The following KCNJ6 variants were observed in gnomAD, a reference collection of about 807,000 sequenced individuals.
The protein encoded by KCNJ6 is G protein-activated inward rectifier potassium channel 2.
Under a neutral mutation model 34.2 loss-of-function variants are expected in KCNJ6, and 9 were observed. The ratio of observed to expected loss-of-function variants is 0.26; its 90% CI spans 0.16 to 0.46. The LOEUF (loss-of-function observed/expected upper bound fraction) is 0.46. Ranked by LOEUF, KCNJ6 falls within the 20% of genes least tolerant of loss-of-function variation. The probability of loss-of-function intolerance (pLI) is 1.00; values close to 1 mark genes in which losing one functional copy is unlikely to be tolerated. For synonymous variants in KCNJ6, 196 were observed against 207.1 expected, an observed-to-expected ratio of 0.95 and a Z score of 0.46; for missense variants, 236 against 531.3, an observed-to-expected ratio of 0.44 and a Z score of 5.46.
chr21:37,839,533 G>C (rs942099944), intron 2 of KCNJ6, among the ~76,000 whole-genome samples: 1 of 152,182 alleles, frequency 6.6e-6, no homozygotes, highest in Non-Finnish European at 1.5e-5. Flanking sequence ...GATTAGAGGA[G>C]GAGGAAGGTG....
intron 2 of KCNJ6, among the ~76,000 whole-genome samples, chr21:37,725,697 A>G (rs1164042475): frequency 6.6e-6 from 1 of 152,246 alleles, no homozygotes; most frequent in African/African-American, 2.4e-5. Flanking sequence ...ATATTCATAA[A>G]TTGTATGCAG....
chr21:37,720,788 AG>A (rs1302637412), intron 2 of KCNJ6, among the ~76,000 whole-genome samples: 1 of 151,172 alleles, frequency 6.6e-6, no homozygotes, highest in Non-Finnish European at 1.5e-5. Flanking sequence ...GCTCACTGCA[AG>A]CTCCGCTTCC....
At chr21:37,726,579 A>G (rs1422580285) in intron 2 of KCNJ6, among the ~76,000 whole-genome samples, 1 of 152,146 alleles carries the variant, frequency 6.6e-6, no homozygotes, top group African/African-American at 2.4e-5. Flanking sequence ...ATCTTACAGT[A>G]ATGTGTGCAT....
intron 1 of KCNJ6, among the ~76,000 whole-genome samples, chr21:37,899,463 CTT>C (rs760592356): frequency 1.4e-4 from 21 of 152,204 alleles, no homozygotes; most frequent in African/African-American, 2.9e-4. Flanking sequence ...CTCCAGCTCT[CTT>C]GTCTCACCCT....
chr21:37,691,937 A>T (rs558806057), intron 3 of KCNJ6, among the ~76,000 whole-genome samples: 52 of 152,110 alleles, frequency 3.4e-4, no homozygotes, highest in African/African-American at 1.2e-3. Context: ...CTGTATAATT[A>T]AAAAAAAGGT....
At chr21:37,846,491 T>A (rs2055508803) in intron 1 of KCNJ6, among the ~76,000 whole-genome samples, 1 of 151,502 alleles carries the variant, frequency 6.6e-6, no homozygotes, top group Non-Finnish European at 1.5e-5. Context: ...TTCTGCTGCA[T>A]GGGGCTCCCT....
Position 37,624,181 on chromosome 21 carries a change from C to T in KCNJ6, c.*978G>A, listed in dbSNP as rs1192005427. 1 of 152,072 alleles carries T rather than the reference C, an allele frequency of 6.6e-6. No homozygotes were observed. Among genetic ancestry groups the T allele is most frequent in the Non-Finnish European group, 1.5e-5 (1 of 67,996 alleles). The allele number at this position is 152,072 out of a possible 1,614,324, so 9.4% of individuals were successfully genotyped here. A position where few individuals can be genotyped will look rare whatever the true frequency, so the allele number is the denominator to read the frequency against. ...CCTCCTCCAGGCCAGTTAGTGAGGCCCTTGTTATCTTTTAAAAAAAGACAT... is the reference window on the plus strand; with the variant it reads ...CCTCCTCCAGGCCAGTTAGTGAGGCTCTTGTTATCTTTTAAAAAAAGACAT... On this transcript the variant is annotated 3_prime_UTR_variant, in exon 4 of 4. Coordinates refer to ENST00000609713, the MANE Select transcript of KCNJ6 (RefSeq NM_002240.5).
At chr21:37,862,264 T>C (rs913105023) in intron 1 of KCNJ6, among the ~76,000 whole-genome samples, 6 of 152,242 alleles carry the variant, frequency 3.9e-5, no homozygotes, top group Admixed American at 1.3e-4. Flanking sequence ...AAGTCTACCT[T>C]AAATAGGCAG....
chr21:37,778,696 C>CGTGTGTGTGTGTGTGTGTGT (rs61218477), intron 2 of KCNJ6, among the ~76,000 whole-genome samples: 21 of 146,170 alleles, frequency 1.4e-4, no homozygotes, highest in South Asian at 6.5e-4. Context: ...GTGCTGTGTG[C>CGTGTGTGTGTGTGTGTGTGT]GTGTGTGTGT....
At chr21:37,847,404 CT>C (rs367803790) in intron 1 of KCNJ6, among the ~76,000 whole-genome samples, 152,312 of 152,314 alleles carry the variant, frequency 1, 76,155 homozygotes, top group Non-Finnish European at 1. Context: ...CACCTGCACT[CT>C]CTCAGCCACG....
intron 1 of KCNJ6, among the ~76,000 whole-genome samples, chr21:37,893,646 T>C (rs556932558): frequency 3.8e-4 from 58 of 152,248 alleles, no homozygotes; most frequent in Non-Finnish European, 6.9e-4. Flanking sequence ...TTTTTTTTTT[T>C]TCCTCTGCCT....
intron 1 of KCNJ6, among the ~76,000 whole-genome samples, chr21:37,862,856 A>G (rs927256053): frequency 6.6e-6 from 1 of 152,240 alleles, no homozygotes; most frequent in Non-Finnish European, 1.5e-5. Context: ...TGCCAGGAGG[A>G]AAAAGCAGGA....
At chr21:37,833,941 C>G (rs1281242893) in intron 2 of KCNJ6, among the ~76,000 whole-genome samples, 3 of 152,190 alleles carry the variant, frequency 2.0e-5, no homozygotes, top group Non-Finnish European at 4.4e-5. Flanking sequence ...GCATTTCTAG[C>G]CCTGGGGTGT....
At chr21:37,655,968 GA>G (rs1427901744) in intron 3 of KCNJ6, among the ~76,000 whole-genome samples, 1 of 152,206 alleles carries the variant, frequency 6.6e-6, no homozygotes, top group Admixed American at 6.5e-5. Context: ...GCATAGGAGA[GA>G]GCGTGTGACA....
rs1414807293 is a variant in KCNJ6 at position 37,611,888 on chromosome 21, G to A, written c.*13271C>T. On this transcript the variant is annotated 3_prime_UTR_variant, in exon 4 of 4. Coordinates refer to ENST00000609713, the MANE Select transcript of KCNJ6 (RefSeq NM_002240.5). ...CTAACATCATACTAAATGGCGTGAT[G>A]GTGAGAAACCTGAAGCTGTCTCACT... 1 of 151,946 alleles carries A rather than the reference G, an allele frequency of 6.6e-6. No individual in the cohort carries two copies. The allele number at this position is 151,946 out of a possible 1,614,324, so 9.4% of individuals were successfully genotyped here. A position where few individuals can be genotyped will look rare whatever the true frequency, so the allele number is the denominator to read the frequency against.
chr21:37,881,362 T>G (rs2055706985), intron 1 of KCNJ6, among the ~76,000 whole-genome samples: 1 of 152,152 alleles, frequency 6.6e-6, no homozygotes, highest in Middle Eastern at 3.2e-3. Context: ...GGCTGGGAAC[T>G]CTAAGATGAA....
intron 2 of KCNJ6, among the ~76,000 whole-genome samples, chr21:37,747,027 T>G (rs1273160619): frequency 1.3e-5 from 2 of 152,228 alleles, no homozygotes; most frequent in Non-Finnish European, 2.9e-5. Context: ...TGAATGTGTG[T>G]GCAGAGCACT....
At chr21:37,832,573 T>G (rs1013541772) in intron 2 of KCNJ6, among the ~76,000 whole-genome samples, 1 of 152,050 alleles carries the variant, frequency 6.6e-6, no homozygotes, top group Non-Finnish European at 1.5e-5. Flanking sequence ...GCTTTGTCTT[T>G]GTAGGCAGGT....
intron 1 of KCNJ6, among the ~76,000 whole-genome samples, chr21:37,845,580 T>A (rs899566519): frequency 1.3e-5 from 2 of 152,218 alleles, no homozygotes; most frequent in African/African-American, 2.4e-5. Context: ...GAGGAACAAA[T>A]GAGACAATGT....
Sources: allele counts gnomAD v4.1 joint callset (sites outside exome capture counted in the v4.1 genomes callset), GRCh38; gene constraint gnomAD v4.1.1; transcripts MANE v1.5; gene names NCBI Gene and HGNC (gene_info 2026-07-23, HGNC 2026-07-21).